Variants in EMID1 observed in about 807,000 individuals in gnomAD.
The protein encoded by EMID1 is EMI domain-containing protein 1.
EMID1 carries 40 observed loss-of-function variants against 60.6 expected under a neutral mutation model. That is an observed-to-expected ratio of 0.66 (90% CI 0.51 to 0.86). The LOEUF (loss-of-function observed/expected upper bound fraction) is 0.86. Ranked by LOEUF, EMID1 falls within the 40% of genes least tolerant of loss-of-function variation. EMID1 has a pLI of 0.00. For missense variants in EMID1, 585 were observed against 597.1 expected, an observed-to-expected ratio of 0.98 and a Z score of 0.21; for synonymous variants, 242 against 231.0, an observed-to-expected ratio of 1.05 and a Z score of -0.43.
intron 13 of EMID1, among the ~76,000 whole-genome samples, chr22:29,246,404 A>G (rs1284890318): frequency 2.6e-5 from 4 of 151,940 alleles, no homozygotes; most frequent in Non-Finnish European, 5.9e-5. Context: ...TGGCGAATGG[A>G]TGGGAGAAGC....
intron 12 of EMID1, among the ~76,000 whole-genome samples, chr22:29,239,515 T>C (rs2041079563): frequency 6.6e-6 from 1 of 152,252 alleles, no homozygotes; most frequent in African/African-American, 2.4e-5. Flanking sequence ...CTTAGCATGT[T>C]AATTGTAGAT....
chr22:29,205,987 G>A lies in EMID1; in HGVS notation c.-52G>A, dbSNP rs2039631501. Reference sequence around the variant, plus strand: ...CGCGGGCAGGCAGGCGGGGAGGACAGGCTGGGGGCGGCGACCGCGAGGGGC... The same window carrying A: ...CGCGGGCAGGCAGGCGGGGAGGACAAGCTGGGGGCGGCGACCGCGAGGGGC... On this transcript the variant is annotated 5_prime_UTR_variant, in exon 1 of 15. Transcript: ENST00000334018. The A allele has an allele frequency of 1.6e-5, 18 of 1,118,206 alleles. No homozygotes were observed. Among genetic ancestry groups the A allele is most frequent in the Non-Finnish European group, 2.0e-5 (18 of 905,138 alleles). 69.3% of individuals were successfully genotyped at this position (1,118,206 alleles called of 1,614,324 possible). A position where few individuals can be genotyped will look rare whatever the true frequency, so the allele number is the denominator to read the frequency against.
At chr22:29,216,566 A>C in intron 3 of EMID1, 5 of 985,462 alleles carry the variant, frequency 5.1e-6, no homozygotes, top group Non-Finnish European at 6.0e-6. Context: ...CAATTCCGGA[A>C]ACACAAATGT....
intron 14 of EMID1, chr22:29,254,586 A>C: frequency 3.1e-6 from 1 of 327,382 alleles, no homozygotes; most frequent in Non-Finnish European, 5.8e-6. Flanking sequence ...AAAGATTTTA[A>C]GTTTGGAAGA....
Position 29,254,108 on chromosome 22 carries a change from G to A in EMID1, c.1120-95G>A, listed in dbSNP as rs559016872. On this transcript the variant is annotated intron_variant, in intron 13 of 14. Transcript: ENST00000334018. The stretch of plus-strand genomic sequence containing the variant: ...TGTGGCAGGTAGTGTGGGGCTGCAG[G>A]TGCATGTCCCGGGTGGGGCATGGGC... The A allele has an allele frequency of 5.5e-5, 87 of 1,593,354 alleles. 1 individual carries two copies. The African/African-American group carries it at 8.8e-4, about 16-fold the overall frequency.
Position 29,239,423 on chromosome 22 carries a change from G to T in EMID1, c.1075-4022G>T, listed in dbSNP as rs906300334. 3.5e-4 allele frequency among the ~76,000 whole-genome samples: 53 copies of T among 151,896 alleles called. 1 individual carries two copies. The highest frequency in any genetic ancestry group is 1.2e-3 in the South Asian group (6 of 4,804). ...TGGGATTACAGGCATGAGCCACCAC[G>T]CCCAGGCCTTTCTTAGAATTTCCAT... On this transcript the variant is annotated intron_variant, in intron 12 of 14. Transcript: ENST00000334018.
chr22:29,219,375 C>T (rs16987277), intron 3 of EMID1, among the ~76,000 whole-genome samples: 4,353 of 152,252 alleles, frequency 0.029, 222 homozygotes, highest in African/African-American at 0.1. Context: ...CCTCATAGGT[C>T]CCATTGTCCC....
chr22:29,229,936 A>C (rs1193102615), intron 5 of EMID1, among the ~76,000 whole-genome samples: 2 of 152,206 alleles, frequency 1.3e-5, no homozygotes, highest in African/African-American at 4.8e-5. Flanking sequence ...CTGAGGGGAC[A>C]CTTCCAGCTT....
chr22:29,224,413 G>A (rs1033240502), intron 3 of EMID1, among the ~76,000 whole-genome samples: 3 of 152,188 alleles, frequency 2.0e-5, no homozygotes, highest in South Asian at 4.1e-4. Flanking sequence ...TCCAGCTGTG[G>A]AGAAAACCAG....
rs200941856 is a variant in EMID1 at position 29,216,553 on chromosome 22, C to T, written c.319+923C>T. On this transcript the variant is annotated intron_variant, in intron 3 of 14. Transcript: ENST00000334018. ...ACGTGAACATCAGTCTCAGGATATACCCCAATTCCGGAAACACAAATGTGC... is the reference window on the plus strand; with the variant it reads ...ACGTGAACATCAGTCTCAGGATATATCCCAATTCCGGAAACACAAATGTGC... 9 of 985,470 alleles carry T rather than the reference C, an allele frequency of 9.1e-6. No individual in the cohort carries two copies. In the East Asian group the frequency reaches 1.0e-3, roughly 112 times the overall value. 61.0% of individuals were successfully genotyped at this position (985,470 alleles called of 1,614,324 possible). A position where few individuals can be genotyped will look rare whatever the true frequency, so the allele number is the denominator to read the frequency against.
At position 29,232,273 on chromosome 22, in the gene EMID1, G is replaced by C; in HGVS notation, c.694G>C (p.Gly232Arg). Reference sequence around the variant, plus strand: ...CATTGCAGGTCCACAGGGCCCCCCAGGGAGCCCTGGCCGGGCTGGAGCTGT... The same window carrying C: ...CATTGCAGGTCCACAGGGCCCCCCACGGAGCCCTGGCCGGGCTGGAGCTGT... ...RGPPGPQGPP[G>R]SPGRAGAVGT... is the part of the protein sequence containing the mutation. Residue 232 changes from glycine to arginine, a missense_variant, in exon 8 of 15, where the codon GGG becomes CGG. Physicochemically the swap from Gly to Arg is moderately radical, Grantham distance 125. Transcript: ENST00000334018. 1.2e-6 allele frequency: 2 copies of C among 1,611,580 alleles called. No individual in the cohort carries two copies. Among genetic ancestry groups the C allele is most frequent in the Non-Finnish European group, 1.7e-6 (2 of 1,179,790 alleles).
chr22:29,236,361 CA>C (rs1294556358), intron 12 of EMID1, among the ~76,000 whole-genome samples: 8 of 152,166 alleles, frequency 5.3e-5, no homozygotes, highest in Admixed American at 4.6e-4. Context: ...TACTGCATTC[CA>C]GCCTGAGTGA....
chr22:29,226,702 C>A, intron 5 of EMID1, 151 bp downstream of exon 5: 2 of 714,458 alleles, frequency 2.8e-6, no homozygotes, highest in Non-Finnish European at 4.3e-6. Context: ...CGGCGAGCAG[C>A]ATCCCCTGTC....
rs931173384 is a variant in EMID1, at chr22:29,231,393, T to G, written c.587-200T>G. On this transcript the variant is annotated intron_variant, in intron 6 of 14. Coordinates refer to ENST00000334018, the MANE Select transcript of EMID1 (RefSeq NM_133455.4). ...CGGGGGGAGCTGGGAGTGGGGATTC[T>G]GGATGAGCCTCCCTCCTCCAGGCCC... 32 of 808,728 alleles carry G rather than the reference T, an allele frequency of 4.0e-5. 1 individual carries two copies. The highest frequency in any genetic ancestry group is 6.2e-5 in the Non-Finnish European group (30 of 480,966). 50.1% of individuals were successfully genotyped at this position (808,728 alleles called of 1,614,324 possible).
chr22:29,206,473 C>A (rs551935516), intron 1 of EMID1, among the ~76,000 whole-genome samples: 2 of 152,338 alleles, frequency 1.3e-5, no homozygotes, highest in African/African-American at 4.8e-5. Context: ...ATGACACCCC[C>A]TAGCCGACTC....
At chr22:29,230,880 C>T (rs373542731) in intron 5 of EMID1, 140 bp from the exon 6 acceptor site, 41 of 1,078,376 alleles carry the variant, frequency 3.8e-5, no homozygotes, top group East Asian at 2.1e-4. Flanking sequence ...CGCTTAAGCC[C>T]GGGTGGTTGA....
intron 2 of EMID1, 123 bp from the exon 3 acceptor site, chr22:29,215,404 C>A: frequency 7.9e-7 from 1 of 1,273,266 alleles, no homozygotes; most frequent in Admixed American, 2.4e-5. Context: ...AGAGAGCCTC[C>A]AAAGGGACCT....
At chr22:29,211,469 TA>T (rs1352733286) in intron 1 of EMID1, among the ~76,000 whole-genome samples, 4 of 152,124 alleles carry the variant, frequency 2.6e-5, no homozygotes, top group African/African-American at 4.8e-5. Context: ...CTGCAGTGCG[TA>T]TTTGCCCTGT....
Position 29,239,291 on chromosome 22 carries a change from T to G in EMID1, c.1075-4154T>G, listed in dbSNP as rs188562423. Among the ~76,000 whole-genome samples, 2 of 120,812 alleles carry G rather than the reference T, an allele frequency of 1.7e-5. 1 individual carries two copies. Among genetic ancestry groups the G allele is most frequent in the Non-Finnish European group, 3.4e-5 (2 of 58,758 alleles). The allele number at this position is 120,812 out of a possible 152,430, so 79.3% of individuals were successfully genotyped here. ...TTCTTAGAATATCTTTTTTTTCTTT[T>G]AAAAAAAATTTTTTTTTAATGTAGA... On this transcript the variant is annotated intron_variant, in intron 12 of 14. Transcript: ENST00000334018.
Sources: gnomAD v4.1 joint callset for allele counts (sites outside exome capture counted in the v4.1 genomes callset) on GRCh38, gnomAD v4.1.1 for gene constraint, MANE v1.5 for transcripts, NCBI Gene and HGNC (gene_info 2026-07-23, HGNC 2026-07-21) for gene names.